Variants in B3GAT1 observed in about 807,000 individuals in gnomAD.
The protein encoded by B3GAT1 is beta-1,3-glucuronyltransferase 1.
In B3GAT1, 11 loss-of-function variants were observed where a neutral mutation model predicts 28.4. The ratio of observed to expected loss-of-function variants is 0.39; its 90% CI spans 0.24 to 0.64. B3GAT1 has a LOEUF of 0.64. Ranked by LOEUF, B3GAT1 falls within the 30% of genes least tolerant of loss-of-function variation. The pLI, the probability that B3GAT1 is intolerant of heterozygous loss-of-function variation, is 0.50. For synonymous variants in B3GAT1, 255 were observed against 223.1 expected (o/e 1.14, Z -1.27); for missense variants, 375 against 491.0 (o/e 0.76, Z 2.23).
rs761233679 is a variant in B3GAT1 at position 134,384,172 on chromosome 11, G to A, written c.129C>T (p.Pro43=). The A allele has an allele frequency of 1.9e-6, 3 of 1,546,190 alleles. No homozygotes were observed. The South Asian group carries it at 3.6e-5, about 19-fold the overall frequency. The change falls in exon 3 of 6, where the codon CCC becomes CCT. Residue 43 remains proline, a synonymous_variant. Transcript: ENST00000312527. ...CGGCGCCGGGCGGCGTTTCGCGTCGGGGGTCACTGCCCTCATCTGCGGAGT... is the reference window on the plus strand; with the variant it reads ...CGGCGCCGGGCGGCGTTTCGCGTCGAGGGTCACTGCCCTCATCTGCGGAGT... ...LAVHKDEGSD[P]RRETPPGADP...
chr11:134,395,373 G>C (rs146415727), intron 1 of B3GAT1, among the ~76,000 whole-genome samples: 161 of 152,156 alleles, frequency 1.1e-3, no homozygotes, highest in African/African-American at 3.6e-3. Context: ...GAAGACCCCA[G>C]AGAGGAGCCA....
intron 2 of B3GAT1, chr11:134,384,630 A>C: frequency 6.1e-6 from 1 of 163,198 alleles, no homozygotes; most frequent in Non-Finnish European, 1.3e-5. Flanking sequence ...GACGCCACAA[A>C]GCCCCAGGGC....
chr11:134,383,741 T>C lies in B3GAT1; in HGVS notation c.560A>G (p.Gln187Arg), dbSNP rs1312857278. The C allele has an allele frequency of 1.3e-6, 2 of 1,594,674 alleles. No individual in the cohort carries two copies. Among genetic ancestry groups the C allele is most frequent in the Admixed American group, 1.7e-5 (1 of 58,606 alleles). Residue 187 changes from glutamine to arginine, a missense_variant, in exon 3 of 6, where the codon CAG (glutamine) becomes CGG (arginine). Physicochemically the swap from Gln to Arg is conservative, Grantham distance 43. Coordinates refer to ENST00000312527, the MANE Select transcript of B3GAT1 (RefSeq NM_054025.3). ...GTCGGCGAAGTAGACCACGCCAGGC[T>C]GGCTGGAGTTGCGCGGGAAGGTCTC... ...LRETFPRNSS[Q>R]PGVVYFADDD... is the part of the protein sequence containing the mutation.
At chr11:134,397,908 C>T (rs183143096) in intron 1 of B3GAT1, among the ~76,000 whole-genome samples, 5 of 152,284 alleles carry the variant, frequency 3.3e-5, no homozygotes, top group East Asian at 1.9e-4. Flanking sequence ...GGTTTGGTCC[C>T]GGTGTCCCCT....
At chr11:134,397,333 A>G (rs1012590462) in intron 1 of B3GAT1, among the ~76,000 whole-genome samples, 3 of 152,146 alleles carry the variant, frequency 2.0e-5, no homozygotes, top group African/African-American at 7.2e-5. Context: ...CAACGTACCC[A>G]GCCTGGCACT....
At chr11:134,409,707 C>T (rs2136344707) in intron 1 of B3GAT1, 1 of 152,482 alleles carries the variant, frequency 6.6e-6, no homozygotes, top group South Asian at 2.1e-4. Context: ...CCCCAACTCA[C>T]CACTCAGTCA....
intron 1 of B3GAT1, among the ~76,000 whole-genome samples, chr11:134,400,031 C>G (rs1244551086): frequency 1.3e-5 from 2 of 152,152 alleles, no homozygotes; most frequent in African/African-American, 4.8e-5. Flanking sequence ...TGCTGTCATG[C>G]TGCCCTAGGC....
At position 134,412,108 on chromosome 11, in the gene B3GAT1, G is replaced by GGGAGCGGGGAAGGGGGAGGT. The variant is rs1944872659; in HGVS notation, c.-584_-583insACCTCCCCCTTCCCCGCTCC. ...AGGCGGGGGGCGGGGGGCGGGGAGG[G>GGGAGCGGGGAAGGGGGAGGT]GGAGCGGGGAGGGGGAGCGGGGAGC... On this transcript the variant is annotated 5_prime_UTR_variant, in exon 1 of 6. Coordinates refer to ENST00000312527, the MANE Select transcript of B3GAT1 (RefSeq NM_054025.3). Among the ~76,000 whole-genome samples, 3 of 107,590 alleles carry GGGAGCGGGGAAGGGGGAGGT rather than the reference G, an allele frequency of 2.8e-5. No homozygotes were observed. Among genetic ancestry groups the GGGAGCGGGGAAGGGGGAGGT allele is most frequent in the South Asian group, 3.7e-4 (1 of 2,696 alleles). The allele number at this position is 107,590 out of a possible 152,430, so 70.6% of individuals were successfully genotyped here. A position where few individuals can be genotyped will look rare whatever the true frequency, so the allele number is the denominator to read the frequency against.
At position 134,393,058 on chromosome 11, in the gene B3GAT1, G is replaced by C. The variant is rs1944442465; in HGVS notation, c.-281-5118C>G. ...GCTCGCTCCAGTGCAGGTGACGTGT[G>C]AACGCAAAATGTTCCCAAAGGCCTG... On this transcript the variant is annotated intron_variant, in intron 1 of 5. Coordinates refer to ENST00000312527, the MANE Select transcript of B3GAT1 (RefSeq NM_054025.3). This position sits in a 1 kb window ranked among gnomAD's most constrained non-coding sequence, Gnocchi z 4.0. Among the ~76,000 whole-genome samples, 1 of 152,172 alleles carries C rather than the reference G, an allele frequency of 6.6e-6. No homozygotes were observed. The highest frequency in any genetic ancestry group is 6.5e-5 in the Admixed American group (1 of 15,284).
At position 134,382,805 on chromosome 11, in the gene B3GAT1, G is replaced by A; in HGVS notation, c.823C>T (p.Leu275=). Residue 275 remains leucine (L), a synonymous_variant, in exon 4 of 6, where the codon CTG becomes TTG. Transcript: ENST00000312527. ...TGGTAGCCTCCCTTCACACCTCGCA[G>A]CTTGAAGTAGGCCTGGCTTCGCTGC... The part of the protein sequence containing the change: ...ILQRSQAYFK[L]RGVKGGYQES... 1 of 1,614,240 alleles carries A rather than the reference G, an allele frequency of 6.2e-7. No homozygotes were observed. Among genetic ancestry groups the A allele is most frequent in the Non-Finnish European group, 8.5e-7 (1 of 1,180,038 alleles).
intron 1 of B3GAT1, chr11:134,388,173 G>A (rs1591638005): frequency 3.0e-6 from 1 of 330,222 alleles, no homozygotes; most frequent in Admixed American, 3.8e-5. Flanking sequence ...GGGTGCAGGG[G>A]TCAGAAGCAC....
In B3GAT1 at chr11:134,383,917, C is replaced by T. The variant is rs1284254902; in HGVS notation, c.384G>A (p.Pro128=). Residue 128 remains proline, a synonymous_variant, in exon 3 of 6, where the codon CCG becomes CCA. Transcript: ENST00000312527. ...LVVEDAPRRT[P]LTARLLRDTG... ...TGTCGCGCAGCAGGCGCGCGGTCAG[C>T]GGCGTCCGGCGCGGCGCATCCTCCA... The T allele has an allele frequency of 3.1e-6, 5 of 1,594,972 alleles. No homozygotes were observed. Among genetic ancestry groups the T allele is most frequent in the Non-Finnish European group, 4.3e-6 (5 of 1,175,666 alleles).
At chr11:134,383,034 C>G in intron 3 of B3GAT1, 28 bp from the exon 4 acceptor site, 1 of 1,514,100 alleles carries the variant, frequency 6.6e-7, no homozygotes, top group Admixed American at 2.0e-5. Context: ...AGAGTCAGGG[C>G]GCCGGCACTG....
chr11:134,400,771 A>G (rs987358595), intron 1 of B3GAT1, among the ~76,000 whole-genome samples: 2 of 152,206 alleles, frequency 1.3e-5, no homozygotes, highest in African/African-American at 2.4e-5. Flanking sequence ...AACAAGTAGG[A>G]CCTAATTAAA....
At chr11:134,401,974 G>C (rs1023212389) in intron 1 of B3GAT1, among the ~76,000 whole-genome samples, 1 of 123,276 alleles carries the variant, frequency 8.1e-6, no homozygotes, top group South Asian at 3.6e-4. Context: ...CTGGGGCGGG[G>C]GGGGGCGGGC....
At chr11:134,387,140 C>G in intron 2 of B3GAT1, 3 of 183,182 alleles carry the variant, frequency 1.6e-5, no homozygotes, top group South Asian at 1.3e-4. Context: ...GTGCTTCGCC[C>G]TTCCCTTCCT....
In B3GAT1 at chr11:134,382,306, A is replaced by AGTGTGT. The variant is rs3065400; in HGVS notation, c.919-288_919-283dup. Among the ~76,000 whole-genome samples, 277 of 151,966 alleles carry AGTGTGT rather than the reference A, an allele frequency of 1.8e-3. 1 individual carries two copies. The highest frequency in any genetic ancestry group is 3.6e-3 in the Admixed American group (55 of 15,268). On this transcript the variant is annotated intron_variant, in intron 4 of 5. Coordinates refer to ENST00000312527, the MANE Select transcript of B3GAT1 (RefSeq NM_054025.3). ...AAAAGAGAAGCCCCAAGACTTCCCAAGTGTGTGTGTGTGCATACGTATGCA... is the reference window on the plus strand; with the variant it reads ...AAAAGAGAAGCCCCAAGACTTCCCAAGTGTGTGTGTGTGTGTGTGCATACGTATGCA...
chr11:134,382,234 T>C (rs1944144169), intron 4 of B3GAT1, among the ~76,000 whole-genome samples: 1 of 152,232 alleles, frequency 6.6e-6, no homozygotes, highest in Non-Finnish European at 1.5e-5. Flanking sequence ...TTTTTACATG[T>C]GATGCCTTCG....
chr11:134,387,693 A>G lies in B3GAT1; in HGVS notation c.-34T>C. On this transcript the variant is annotated 5_prime_UTR_variant, in exon 2 of 6. The change abolishes the stop of an existing upstream ORF in the 5' untranslated region. Coordinates refer to ENST00000312527, the MANE Select transcript of B3GAT1 (RefSeq NM_054025.3). ...CTGGCTGCACCCACGGCTCCTCATT[A>G]CCTGAGTGGCGGTAAGTTCAGGAGA... 3 of 1,612,938 alleles carry G rather than the reference A, an allele frequency of 1.9e-6. No homozygotes were observed. Among genetic ancestry groups the G allele is most frequent in the Non-Finnish European group, 2.5e-6 (3 of 1,179,676 alleles).
Sources: gnomAD v4.1 joint callset for allele counts (sites outside exome capture counted in the v4.1 genomes callset) on GRCh38, gnomAD v4.1.1 for gene constraint, Gnocchi (gnomAD v3.1) non-coding constraint, MANE v1.5 for transcripts, NCBI Gene and HGNC (gene_info 2026-07-23, HGNC 2026-07-21) for gene names.